Variants in SMIM19 observed in about 807,000 individuals in gnomAD.
SMIM19 encodes UPF0697 protein C8orf40.
SMIM19 carries 6 observed loss-of-function variants against 13.2 expected under a neutral mutation model. The observed-to-expected ratio is 0.45, with a 90% CI of 0.25 to 0.90. The LOEUF (loss-of-function observed/expected upper bound fraction) is 0.90. Ranked by LOEUF, SMIM19 falls within the 40% of genes least tolerant of loss-of-function variation. The pLI is 0.19. For missense variants in SMIM19, 138 were observed against 131.0 expected, an observed-to-expected ratio of 1.05 and a Z score of -0.26; for synonymous variants, 46 against 43.1, an observed-to-expected ratio of 1.07 and a Z score of -0.27.
At chr8:42,548,904 A>T (rs1045258023) in intron 3 of SMIM19, 124 bp downstream of exon 3, 10 of 947,598 alleles carry the variant, frequency 1.1e-5, no homozygotes, top group Admixed American at 3.1e-5. Flanking sequence ...CTTCTTTCAG[A>T]TGTTTAATAT....
intron 1 of SMIM19, among the ~76,000 whole-genome samples, chr8:42,543,128 C>A (rs1813330601): frequency 6.6e-6 from 1 of 152,178 alleles, no homozygotes; most frequent in South Asian, 2.1e-4. Context: ...TGAAATAGTT[C>A]AAGCATTACA....
In SMIM19 at chr8:42,548,674, G is replaced by A; in HGVS notation, c.153G>A (p.Met51Ile). 6.2e-7 allele frequency: 1 copy of A among 1,613,720 alleles called. No homozygotes were observed. The highest frequency in any genetic ancestry group is 8.5e-7 in the Non-Finnish European group (1 of 1,179,864). The change falls in exon 3 of 4, where the codon ATG (methionine) becomes ATA (isoleucine). Residue 51 changes from methionine (M) to isoleucine (I), a missense_variant. Coordinates refer to ENST00000417410, the MANE Select transcript of SMIM19 (RefSeq NM_001135674.2). ...MYAKRNKRRI[M>I]RIFSVPPTEE... is the part of the protein sequence containing the mutation. ...TGTTTAGGAACAAAAGGAGAATTATGAGGATATTCAGTGTGCCACCTACAG... is the reference window on the plus strand; with the variant it reads ...TGTTTAGGAACAAAAGGAGAATTATAAGGATATTCAGTGTGCCACCTACAG...
intron 1 of SMIM19, among the ~76,000 whole-genome samples, chr8:42,543,887 C>T (rs1367077546): frequency 6.6e-6 from 1 of 152,178 alleles, no homozygotes; most frequent in Non-Finnish European, 1.5e-5. Flanking sequence ...CATCTCAAAT[C>T]AGACACATAA....
chr8:42,548,259 C>T, intron 2 of SMIM19: 1 of 365,896 alleles, frequency 2.7e-6, no homozygotes, highest in Non-Finnish European at 5.6e-6. Context: ...CATTACTTTC[C>T]AAAATTAGGA....
intron 3 of SMIM19, among the ~76,000 whole-genome samples, chr8:42,551,829 A>G (rs1263852182): frequency 6.6e-6 from 1 of 152,128 alleles, no homozygotes; most frequent in Admixed American, 6.5e-5. Flanking sequence ...CAGTAGTCCC[A>G]GCTACTTGGG....
chr8:42,545,909 C>A (rs147650702), intron 1 of SMIM19, among the ~76,000 whole-genome samples: 2 of 152,102 alleles, frequency 1.3e-5, no homozygotes, highest in Non-Finnish European at 2.9e-5. Flanking sequence ...CAAGCTCAGT[C>A]CTTTTAGTAA....
At chr8:42,549,670 A>G (rs560516179) in intron 3 of SMIM19, among the ~76,000 whole-genome samples, 1 of 152,308 alleles carries the variant, frequency 6.6e-6, no homozygotes, top group East Asian at 1.9e-4. Flanking sequence ...AGTCCCAGCA[A>G]TGCAAATATA....
chr8:42,552,462 T>G, intron 3 of SMIM19, 82 bp from the exon 4 acceptor site: 1 of 1,403,908 alleles, frequency 7.1e-7, no homozygotes, highest in East Asian at 2.4e-5. Flanking sequence ...GAATCATGAC[T>G]TGACTGTAAT....
chr8:42,550,762 A>T (rs149899999), intron 3 of SMIM19, among the ~76,000 whole-genome samples: 49 of 152,250 alleles, frequency 3.2e-4, no homozygotes, highest in African/African-American at 1.1e-3. Context: ...ATGGGTTAAG[A>T]TGTGGACATC....
intron 1 of SMIM19, among the ~76,000 whole-genome samples, chr8:42,544,114 C>T (rs1286486581): frequency 6.6e-6 from 1 of 152,126 alleles, no homozygotes; most frequent in African/African-American, 2.4e-5. Flanking sequence ...TTGAAACTCT[C>T]AATATGTCAA....
rs1398226543 is a variant in SMIM19, at chr8:42,554,457, G to A, written c.*1849G>A. The A allele has an allele frequency of 6.6e-6, 1 of 152,158 alleles. No individual in the cohort carries two copies. The allele number at this position is 152,158 out of a possible 1,614,324, so 9.4% of individuals were successfully genotyped here. On this transcript the variant is annotated 3_prime_UTR_variant, in exon 4 of 4. Coordinates refer to ENST00000417410, the MANE Select transcript of SMIM19 (RefSeq NM_001135674.2). ...AATTAATGTACATAAATAAACGTAAGTCACACAATGAATTTCCTTTGTGTC... is the reference window on the plus strand; with the variant it reads ...AATTAATGTACATAAATAAACGTAAATCACACAATGAATTTCCTTTGTGTC...
Position 42,548,639 on chromosome 8 carries a change from A to G in SMIM19, c.135-17A>G, listed in dbSNP as rs766705555. 7 of 1,613,160 alleles carry G rather than the reference A, an allele frequency of 4.3e-6. No homozygotes were observed. The South Asian group carries it at 6.6e-5, about 15-fold the overall frequency. On this transcript the variant is annotated splice_polypyrimidine_tract_variant and intron_variant, in intron 2 of 3. Transcript: ENST00000417410. ...ACATTAATACAAACATCTCTTCTGC[A>G]TGGATTTTGTGTTTAGGAACAAAAG...
chr8:42,547,221 G>A (rs564184040), intron 2 of SMIM19, among the ~76,000 whole-genome samples: 246 of 152,178 alleles, frequency 1.6e-3, no homozygotes, highest in Admixed American at 3.7e-3. Flanking sequence ...TTAGCTGGGC[G>A]TGATGGCGTG....
chr8:42,547,499 C>G (rs1813530213), intron 2 of SMIM19, among the ~76,000 whole-genome samples: 1 of 152,154 alleles, frequency 6.6e-6, no homozygotes, highest in Non-Finnish European at 1.5e-5. Context: ...TTCATTGTCA[C>G]CCTTCATTGA....
intron 1 of SMIM19, among the ~76,000 whole-genome samples, chr8:42,544,283 C>T (rs1010628516): frequency 6.6e-6 from 1 of 152,022 alleles, no homozygotes; most frequent in Non-Finnish European, 1.5e-5. Context: ...CGGTGGTGGG[C>T]TCCTATAGTC....
chr8:42,550,242 T>C (rs1201504506), intron 3 of SMIM19, among the ~76,000 whole-genome samples: 1 of 152,160 alleles, frequency 6.6e-6, no homozygotes, highest in African/African-American at 2.4e-5. Flanking sequence ...AAACCCACAG[T>C]TTATTTCTTT....
intron 1 of SMIM19, 28 bp downstream of exon 1, chr8:42,542,401 A>T (rs16891366): frequency 0.031 from 30,958 of 984,410 alleles, 2,028 homozygotes; most frequent in African/African-American, 0.24. Flanking sequence ...TCAGAATACC[A>T]AGCCTTTAGT....
chr8:42,544,414 G>GAAAAAA (rs200306298), intron 1 of SMIM19, among the ~76,000 whole-genome samples: 1 of 118,436 alleles, frequency 8.4e-6, no homozygotes, highest in Non-Finnish European at 1.8e-5. Flanking sequence ...CTGTCTCAGG[G>GAAAAAA]AAAAAAAAAA....
At chr8:42,547,173 C>T (rs1192783618) in intron 2 of SMIM19, among the ~76,000 whole-genome samples, 3 of 151,232 alleles carry the variant, frequency 2.0e-5, no homozygotes, top group East Asian at 3.9e-4. Context: ...CCAGTCTGGC[C>T]AACATGGTGA....
Sources: gnomAD v4.1 joint callset for allele counts (sites outside exome capture counted in the v4.1 genomes callset) on GRCh38, gnomAD v4.1.1 for gene constraint, MANE v1.5 for transcripts, NCBI Gene and HGNC (gene_info 2026-07-23, HGNC 2026-07-21) for gene names.